The following WARS1 variants were observed in gnomAD, a reference collection of about 807,000 sequenced individuals.
WARS1 encodes tryptophanyl-tRNA synthetase 1, also known as tryptophan--tRNA ligase, cytoplasmic.
WARS1 carries 17 observed loss-of-function variants against 47.8 expected under a neutral mutation model. The ratio of observed to expected loss-of-function variants is 0.36; its 90% CI spans 0.24 to 0.53. WARS1 has a LOEUF of 0.53. Ranked by LOEUF, WARS1 falls within the 20% of genes least tolerant of loss-of-function variation. The pLI is 0.91. For synonymous variants in WARS1, 208 were observed against 228.1 expected (o/e 0.91, Z 0.79); for missense variants, 434 against 608.0 (o/e 0.71, Z 3.01).
In WARS1 at chr14:100,342,579, G is replaced by A. The variant is rs1566839510; in HGVS notation, c.940-8C>T. 2 of 1,606,736 alleles carry A rather than the reference G, an allele frequency of 1.2e-6. No homozygotes were observed. Among genetic ancestry groups the A allele is most frequent in the Non-Finnish European group, 8.5e-7 (1 of 1,176,212 alleles). ...CATTCTAAAGTAAGGATCCTGTGGG[G>A]AGAGTAAGGACCCTGATGAGGGCGG... On this transcript the variant is annotated splice_polypyrimidine_tract_variant and splice_region_variant and intron_variant, in intron 8 of 10. Transcript: ENST00000392882.
chr14:100,342,047 A>T (rs1894195876), intron 9 of WARS1: 1 of 322,612 alleles, frequency 3.1e-6, no homozygotes, highest in Non-Finnish European at 6.2e-6. Flanking sequence ...AAATATACAC[A>T]AATCTTTTCC....
intron 7 of WARS1, among the ~76,000 whole-genome samples, chr14:100,344,740 G>C (rs542683606): frequency 3.3e-5 from 5 of 150,120 alleles, no homozygotes; most frequent in African/African-American, 1.2e-4. Flanking sequence ...CCGCCGCCCC[G>C]TCTGGGATGT....
chr14:100,340,195 C>T (rs1396671152), intron 9 of WARS1: 1 of 152,184 alleles, frequency 6.6e-6, no homozygotes, highest in Non-Finnish European at 1.5e-5. Flanking sequence ...GTTCTGCCTC[C>T]TTGACGTGAT....
chr14:100,372,523 C>CG (rs2140101913), intron 1 of WARS1, among the ~76,000 whole-genome samples: 1 of 152,232 alleles, frequency 6.6e-6, no homozygotes, highest in East Asian at 1.9e-4. Flanking sequence ...GGAGGAATGC[C>CG]GGAGTACCCT....
rs1893533783 is a variant in WARS1, at chr14:100,333,874, C to A, written c.*1001G>T. 6.5e-6 allele frequency: 1 copy of A among 152,746 alleles called. No homozygotes were observed. The highest frequency in any genetic ancestry group is 1.5e-5 in the Non-Finnish European group (1 of 68,114). The allele number at this position is 152,746 out of a possible 1,614,324, so 9.5% of individuals were successfully genotyped here. A position where few individuals can be genotyped will look rare whatever the true frequency, so the allele number is the denominator to read the frequency against. On this transcript the variant is annotated 3_prime_UTR_variant, in exon 11 of 11. Transcript: ENST00000392882. ...GAGACCCAGATACATCAACCAAGGACTTCCCTGAGATTTGGCTTTGCTCTT... is the reference window on the plus strand; with the variant it reads ...GAGACCCAGATACATCAACCAAGGAATTCCCTGAGATTTGGCTTTGCTCTT...
In WARS1 at chr14:100,339,520, G is replaced by A. The variant is rs573290545; in HGVS notation, c.1114-2318C>T. On this transcript the variant is annotated intron_variant, in intron 9 of 10. Transcript: ENST00000392882. ...GCAGGAGAATGGCGTGAACCTGGGA[G>A]GCAGAGCTTGCAGTGAGCCGAGATT... is the stretch of plus-strand genomic sequence containing the variant. Among the ~76,000 whole-genome samples the A allele has an allele frequency of 7.7e-5, 11 of 143,544 alleles. No individual in the cohort carries two copies. In the South Asian group the frequency reaches 2.2e-3, roughly 29 times the overall value. The allele number at this position is 143,544 out of a possible 152,430, so 94.2% of individuals were successfully genotyped here.
Position 100,346,819 on chromosome 14 carries a change from C to G in WARS1, c.753G>C (p.Val251=). ...AGGTAACATGCTTTTGAATCTTCAC[C>G]ACATTTTTGTAGAAACCTGAGCTCA... ...MGMSSGFYKN[V]VKIQKHVTFN... is the part of the protein sequence containing the mutation. The change falls in exon 7 of 11, where the codon GTG becomes GTC. Residue 251 remains valine (V), a synonymous_variant. Coordinates refer to ENST00000392882, the MANE Select transcript of WARS1 (RefSeq NM_004184.4). 1 of 1,613,896 alleles carries G rather than the reference C, an allele frequency of 6.2e-7. No individual in the cohort carries two copies. Among genetic ancestry groups the G allele is most frequent in the African/African-American group, 1.3e-5 (1 of 75,044 alleles).
At chr14:100,335,159 G>T in intron 10 of WARS1, 123 bp from the exon 11 acceptor site, 2 of 853,628 alleles carry the variant, frequency 2.3e-6, no homozygotes, top group Non-Finnish European at 1.8e-6. Context: ...GTGGCACTCA[G>T]AAGTGAGATC....
chr14:100,356,665 C>T (rs1343623645), intron 4 of WARS1, among the ~76,000 whole-genome samples: 2 of 152,042 alleles, frequency 1.3e-5, no homozygotes, highest in Non-Finnish European at 2.9e-5. Context: ...AAACTTCCTA[C>T]AAAGAAAAGC....
intron 9 of WARS1, among the ~76,000 whole-genome samples, chr14:100,341,595 G>A (rs1374547172): frequency 6.6e-6 from 1 of 152,198 alleles, no homozygotes; most frequent in East Asian, 1.9e-4. Context: ...GTGTAACAGT[G>A]AGGCAATTAT....
chr14:100,371,902 CCT>C (rs934557025), intron 1 of WARS1, among the ~76,000 whole-genome samples: 1 of 152,134 alleles, frequency 6.6e-6, no homozygotes, highest in African/African-American at 2.4e-5. Context: ...CACCATATCC[CCT>C]GTGACCGGCA....
At position 100,371,982 on chromosome 14, in the gene WARS1, GCCTTAACTGATGA is replaced by G. The variant is rs368674417; in HGVS notation, c.-73-2737_-73-2725del. 6.1e-3 allele frequency among the ~76,000 whole-genome samples: 928 copies of G among 152,254 alleles called. 6 individuals are homozygous for G. The highest frequency in any genetic ancestry group is 0.01 in the Middle Eastern group (3 of 294). On this transcript the variant is annotated intron_variant, in intron 1 of 10. Coordinates refer to ENST00000392882, the MANE Select transcript of WARS1 (RefSeq NM_004184.4). Reference sequence around the variant, plus strand: ...AAAGAAGTGAAAATGGCCTGTTCCTGCCTTAACTGATGACATTCCCTTGTGAAATTCCTTCTCC... The same window carrying G: ...AAAGAAGTGAAAATGGCCTGTTCCTGCATTCCCTTGTGAAATTCCTTCTCC...
At chr14:100,368,919 C>A (rs768033280) in intron 2 of WARS1, among the ~76,000 whole-genome samples, 168 bp downstream of exon 2, 2 of 152,140 alleles carry the variant, frequency 1.3e-5, no homozygotes, top group Non-Finnish European at 2.9e-5. Flanking sequence ...TTAGATTGCA[C>A]CATTGCACTC....
At chr14:100,361,299 G>GT (rs1895646471) in intron 3 of WARS1, among the ~76,000 whole-genome samples, 1 of 152,244 alleles carries the variant, frequency 6.6e-6, no homozygotes. Flanking sequence ...CCCGATGTGA[G>GT]AAGTCACTGC....
At chr14:100,353,451 T>C (rs1168666193) in intron 6 of WARS1, among the ~76,000 whole-genome samples, 1 of 152,076 alleles carries the variant, frequency 6.6e-6, no homozygotes, top group African/African-American at 2.4e-5. Context: ...GGTTTCACCA[T>C]GTTGGTCAGG....
intron 7 of WARS1, among the ~76,000 whole-genome samples, chr14:100,344,986 C>T (rs1373326205): frequency 2.7e-5 from 4 of 150,484 alleles, no homozygotes; most frequent in Non-Finnish European, 4.4e-5. Flanking sequence ...GCCGCCCCGT[C>T]CGGGAGGGAA....
rs1385857977 is a variant in WARS1 at position 100,373,196 on chromosome 14, A to C, written c.-74+2087T>G. 6.6e-6 allele frequency among the ~76,000 whole-genome samples: 1 copy of C among 152,204 alleles called. No individual in the cohort carries two copies. Among genetic ancestry groups the C allele is most frequent in the Non-Finnish European group, 1.5e-5 (1 of 68,046 alleles). The stretch of plus-strand genomic sequence containing the variant: ...AATGAATGAATCTCCTTAGTCATCT[A>C]GTTCAACTTTTTCCTCTAAGGTTTA... On this transcript the variant is annotated intron_variant, in intron 1 of 10. Transcript: ENST00000392882. This position sits in a 1 kb window ranked among gnomAD's most constrained non-coding sequence, Gnocchi z 4.4.
chr14:100,338,580 T>C (rs1893909290), intron 9 of WARS1, among the ~76,000 whole-genome samples: 1 of 150,644 alleles, frequency 6.6e-6, no homozygotes, highest in African/African-American at 2.4e-5. Context: ...TAACTTTTTT[T>C]TTTGTCACCA....
Position 100,369,106 on chromosome 14 carries a change from T to G in WARS1, c.80A>C (p.Lys27Thr). The G allele has an allele frequency of 6.4e-7, 1 of 1,561,932 alleles. No individual in the cohort carries two copies. Among genetic ancestry groups the G allele is most frequent in the Non-Finnish European group, 8.7e-7 (1 of 1,144,852 alleles). Reference protein sequence around the residue: ...ATQGELVRSLKAGNASKDEID... With the variant: ...ATQGELVRSLTAGNASKDEID... Reference sequence around the variant, plus strand: ...ATGTACCTTTGACGCATTTCCCGCTTTGAGGGACCTTACGAGCTCCCCTTG... The same window carrying G: ...ATGTACCTTTGACGCATTTCCCGCTGTGAGGGACCTTACGAGCTCCCCTTG... The change falls in exon 2 of 11, where the codon AAA becomes ACA. Residue 27 changes from lysine to threonine, a missense_variant. By Grantham distance (78) the Lys-to-Thr change is moderately conservative (BLOSUM62 -1). Transcript: ENST00000392882.
Sources: allele counts gnomAD v4.1 joint callset (sites outside exome capture counted in the v4.1 genomes callset), GRCh38; gene constraint gnomAD v4.1.1; non-coding constraint Gnocchi (gnomAD v3.1); transcripts MANE v1.5; gene names NCBI Gene and HGNC (gene_info 2026-07-23, HGNC 2026-07-21).